WDR48: variants seen among roughly 807,000 people sequenced by gnomAD.
The protein encoded by WDR48 is WD repeat domain 48, also known as WD repeat-containing protein 48.
In WDR48, 22 loss-of-function variants were observed where a neutral mutation model predicts 94.0. The ratio of observed to expected loss-of-function variants is 0.23; its 90% confidence interval spans 0.17 to 0.33. The LOEUF is 0.33. Ranked by LOEUF, WDR48 falls within the 10% of genes least tolerant of loss-of-function variation. The pLI, the probability that WDR48 is intolerant of heterozygous loss-of-function variation, is 1.00. For missense variants in WDR48, 541 were observed against 813.8 expected, an observed-to-expected ratio of 0.66 and a Z score of 4.08; for synonymous variants, 278 against 280.5, an observed-to-expected ratio of 0.99 and a Z score of 0.09.
chr3:39,062,980 A>G, intron 1 of WDR48, 70 bp from the exon 2 acceptor site: 1 of 1,550,936 alleles, frequency 6.4e-7, no homozygotes, highest in Non-Finnish European at 8.7e-7. Context: ...CAGATTGGCC[A>G]CTAGTAGACT....
At chr3:39,091,770 T>G (rs1240920278) in intron 17 of WDR48, 69 bp downstream of exon 17, 2 of 1,319,570 alleles carry the variant, frequency 1.5e-6, no homozygotes, top group African/African-American at 3.0e-5. Flanking sequence ...ATGATTGCTT[T>G]TATAGCAAAG....
chr3:39,087,554 G>A (rs1011797410), intron 14 of WDR48, among the ~76,000 whole-genome samples: 1 of 152,156 alleles, frequency 6.6e-6, no homozygotes, highest in African/African-American at 2.4e-5. Flanking sequence ...GGGAGGTTGA[G>A]GCCGCAATGA....
intron 11 of WDR48, among the ~76,000 whole-genome samples, chr3:39,081,751 T>C (rs2034546630): frequency 6.6e-6 from 1 of 152,220 alleles, no homozygotes; most frequent in African/African-American, 2.4e-5. Context: ...TTGACCTATC[T>C]GTTTTCTGTA....
intron 1 of WDR48, among the ~76,000 whole-genome samples, chr3:39,055,980 T>C (rs2032854489): frequency 1.3e-5 from 2 of 152,256 alleles, no homozygotes; most frequent in African/African-American, 4.8e-5. Flanking sequence ...GGTGCCTAGT[T>C]AATATTCGTT....
intron 1 of WDR48, among the ~76,000 whole-genome samples, chr3:39,056,988 G>C (rs977142355): frequency 6.6e-6 from 1 of 152,134 alleles, no homozygotes; most frequent in African/African-American, 2.4e-5. Context: ...GAAAATAAAG[G>C]GGTGGGGGTG....
At chr3:39,076,224 G>C (rs902207570) in intron 8 of WDR48, among the ~76,000 whole-genome samples, 1 of 152,156 alleles carries the variant, frequency 6.6e-6, no homozygotes, top group African/African-American at 2.4e-5. Flanking sequence ...AGACAAAACT[G>C]GCCAAGTACG....
At chr3:39,063,469 G>C (rs984715314) in intron 2 of WDR48, among the ~76,000 whole-genome samples, 1 of 151,870 alleles carries the variant, frequency 6.6e-6, no homozygotes, top group African/African-American at 2.4e-5. Flanking sequence ...GCTAGTAGGG[G>C]GATTACTTTC....
intron 14 of WDR48, among the ~76,000 whole-genome samples, chr3:39,087,282 T>TGTAA (rs1179922239): frequency 6.6e-6 from 1 of 152,228 alleles, no homozygotes; most frequent in Non-Finnish European, 1.5e-5. Flanking sequence ...GGCTCACACC[T>TGTAA]GTAATCCCAG....
intron 14 of WDR48, among the ~76,000 whole-genome samples, chr3:39,086,565 A>G (rs116112022): frequency 0.016 from 2,395 of 152,302 alleles, 29 homozygotes; most frequent in Non-Finnish European, 0.024. Flanking sequence ...ATCACCTGAC[A>G]CACTTTGATC....
chr3:39,087,876 A>T, intron 14 of WDR48: 1 of 405,790 alleles, frequency 2.5e-6, no homozygotes, highest in Non-Finnish European at 4.5e-6. Context: ...TTTGTTCTGA[A>T]TCTCAAACAT....
Position 39,094,985 on chromosome 3 carries a change from A to G in WDR48, c.*242A>G, listed in dbSNP as rs569298770. The stretch of plus-strand genomic sequence containing the variant: ...AGAGCAGAAGAGCCCCAAGCAGACT[A>G]TGTCTTTCAAGATGTACAGAAGACT... On this transcript the variant is annotated 3_prime_UTR_variant, in exon 19 of 19. Transcript: ENST00000302313. 33 of 549,224 alleles carry G rather than the reference A, an allele frequency of 6.0e-5. No homozygotes were observed. Among genetic ancestry groups the G allele is most frequent in the African/African-American group, 3.8e-4 (20 of 53,154 alleles). The allele number at this position is 549,224 out of a possible 1,614,324, so 34.0% of individuals were successfully genotyped here.
chr3:39,058,404 CTGGTTTTAACAGTA>C (rs934740299), intron 1 of WDR48, among the ~76,000 whole-genome samples: 5 of 152,234 alleles, frequency 3.3e-5, no homozygotes, highest in African/African-American at 1.2e-4. Context: ...TTGGCCCAGA[CTGGTTTTAACAGTA>C]ATTACTTTCC....
chr3:39,065,789 AG>A (rs1332444725), intron 2 of WDR48, 21 bp from the exon 3 acceptor site: 1 of 1,541,676 alleles, frequency 6.5e-7, no homozygotes, highest in Non-Finnish European at 8.8e-7. Context: ...ATAAACTCTT[AG>A]GATTTTTCTT....
At chr3:39,084,814 T>A in intron 13 of WDR48, 73 bp downstream of exon 13, 1 of 1,309,126 alleles carries the variant, frequency 7.6e-7, no homozygotes, top group Non-Finnish European at 1.1e-6. Context: ...TTTTGCTAAG[T>A]ACTTATCTTT....
chr3:39,086,070 CA>C (rs751528347), intron 14 of WDR48, among the ~76,000 whole-genome samples: 9 of 151,486 alleles, frequency 5.9e-5, no homozygotes, highest in African/African-American at 1.5e-4. Context: ...GACTCTGTTT[CA>C]AAAAAAAATT....
chr3:39,074,842 C>T lies in WDR48; in HGVS notation c.789C>T (p.Ala263=), dbSNP rs2034129891. 2.5e-6 allele frequency: 4 copies of T among 1,614,186 alleles called. No individual in the cohort carries two copies. The highest frequency in any genetic ancestry group is 3.4e-6 in the Non-Finnish European group (4 of 1,180,038). The change falls in exon 8 of 19, where the codon GCC becomes GCT. Residue 263 remains alanine (A), a synonymous_variant. Transcript: ENST00000302313. ...TTTGGGCGCTGCAAGTCAATGATGCCTTCACACATGTGTATTCTGGTGGAA... is the reference window on the plus strand; with the variant it reads ...TTTGGGCGCTGCAAGTCAATGATGCTTTCACACATGTGTATTCTGGTGGAA... ...EGVWALQVND[A]FTHVYSGGRD... is the part of the protein sequence containing the mutation.
chr3:39,069,157 A>AT (rs1310896340), intron 6 of WDR48, among the ~76,000 whole-genome samples: 1 of 151,984 alleles, frequency 6.6e-6, no homozygotes, highest in Non-Finnish European at 1.5e-5. Flanking sequence ...ATTTTTGTAT[A>AT]TTTTTAATAG....
At chr3:39,091,389 G>T in intron 16 of WDR48, 2 of 344,720 alleles carry the variant, frequency 5.8e-6, no homozygotes, top group South Asian at 3.8e-5. Flanking sequence ...ACCTTGTACT[G>T]TTATCTAAGA....
At chr3:39,088,432 C>T (rs927857274) in intron 15 of WDR48, among the ~76,000 whole-genome samples, 199 bp downstream of exon 15, 2 of 152,184 alleles carry the variant, frequency 1.3e-5, no homozygotes, top group African/African-American at 4.8e-5. Context: ...GGAGGAGAAA[C>T]TCTAGTGTTC....
Sources: gnomAD v4.1 joint callset for allele counts (sites outside exome capture counted in the v4.1 genomes callset) on GRCh38, gnomAD v4.1.1 for gene constraint, MANE v1.5 for transcripts, NCBI Gene and HGNC (gene_info 2026-07-23, HGNC 2026-07-21) for gene names.